The following TMEM120B variants were observed in gnomAD, a reference collection of about 807,000 sequenced individuals.
TMEM120B encodes the protein transmembrane protein 120B.
Under a neutral mutation model 55.5 loss-of-function variants are expected in TMEM120B, and 31 were observed. That is an observed-to-expected ratio of 0.56 (90% CI 0.42 to 0.75). The LOEUF is 0.75. Ranked by LOEUF, TMEM120B falls within the 30% of genes least tolerant of loss-of-function variation. TMEM120B has a pLI of 0.00. For synonymous variants in TMEM120B, 203 were observed against 176.3 expected (o/e 1.15, Z -1.20); for missense variants, 399 against 425.5 (o/e 0.94, Z 0.55).
At chr12:121,761,270 C>T (rs191807661) in intron 5 of TMEM120B, among the ~76,000 whole-genome samples, 9 of 152,306 alleles carry the variant, frequency 5.9e-5, no homozygotes, top group Non-Finnish European at 8.8e-5. Flanking sequence ...GGAGCCACCA[C>T]GCCTGGCCAA....
Position 121,776,463 on chromosome 12 carries a change from C to CCTTGGCCCCTGTGG in TMEM120B, c.*741_*742insCTTGGCCCCTGTGG. 1 of 152,458 alleles carries CCTTGGCCCCTGTGG rather than the reference C, an allele frequency of 6.6e-6. No homozygotes were observed. Among genetic ancestry groups the CCTTGGCCCCTGTGG allele is most frequent in the East Asian group, 1.9e-4 (1 of 5,180 alleles). The allele number at this position is 152,458 out of a possible 1,614,324, so 9.4% of individuals were successfully genotyped here. On this transcript the variant is annotated 3_prime_UTR_variant, in exon 12 of 12. Coordinates refer to ENST00000449592, the MANE Select transcript of TMEM120B (RefSeq NM_001080825.2). ...GTGGCAGGTACTTGGAGAGTGGGAC[C>CCTTGGCCCCTGTGG]AAGACCCTTGGCCCCTGTGGAGGGG...
rs1178585840 is a variant in TMEM120B, at chr12:121,776,348, C to G, written c.*626C>G. The G allele has an allele frequency of 6.3e-6, 1 of 158,122 alleles. No individual in the cohort carries two copies. Among genetic ancestry groups the G allele is most frequent in the African/African-American group, 2.4e-5 (1 of 41,638 alleles). The allele number at this position is 158,122 out of a possible 1,614,324, so 9.8% of individuals were successfully genotyped here. On this transcript the variant is annotated 3_prime_UTR_variant, in exon 12 of 12. Transcript: ENST00000449592. ...TTCGCCACCAGAGGGCGCCCCGGGC[C>G]CTGGGTCGTCCAAGGGGACAAGGAC... is the stretch of plus-strand genomic sequence containing the variant.
intron 1 of TMEM120B, among the ~76,000 whole-genome samples, chr12:121,727,346 G>A (rs1894914480): frequency 6.6e-6 from 1 of 151,370 alleles, no homozygotes; most frequent in Non-Finnish European, 1.5e-5. Flanking sequence ...GACCAGCCTG[G>A]GCAGCATAAT....
rs965711601 is a variant in TMEM120B, at chr12:121,726,042, A to AAC, written c.69+13079_69+13080insCA. Among the ~76,000 whole-genome samples, 9 of 150,048 alleles carry AAC rather than the reference A, an allele frequency of 6.0e-5. No homozygotes were observed. In the East Asian group the frequency reaches 9.8e-4, roughly 16 times the overall value. ...ACAAGCGAGACTCTGTCTCAAAAAAAAAAAAACAAAAAAAAAACCACCTCT... is the reference window on the plus strand; with the variant it reads ...ACAAGCGAGACTCTGTCTCAAAAAAAACAAAAAACAAAAAAAAAACCACCTCT... On this transcript the variant is annotated intron_variant, in intron 1 of 11. Transcript: ENST00000449592.
At chr12:121,773,035 G>A (rs1226219099) in intron 8 of TMEM120B, among the ~76,000 whole-genome samples, 9 of 152,116 alleles carry the variant, frequency 5.9e-5, no homozygotes, top group Non-Finnish European at 1.2e-4. Flanking sequence ...TAGCAACAAC[G>A]AAGTATCCCA....
chr12:121,748,283 C>T, intron 2 of TMEM120B, 43 bp from the exon 3 acceptor site: 1 of 1,523,984 alleles, frequency 6.6e-7, no homozygotes, highest in Non-Finnish European at 9.1e-7. Flanking sequence ...CCTCCTCCCT[C>T]TGAGTGACGC....
chr12:121,773,780 ATTAG>A (rs2137407265), intron 9 of TMEM120B, among the ~76,000 whole-genome samples: 1 of 152,290 alleles, frequency 6.6e-6, no homozygotes, highest in South Asian at 2.1e-4. Context: ...ACACACACAA[ATTAG>A]CCATTTGTGT....
chr12:121,765,274 T>C (rs961330388), intron 6 of TMEM120B, among the ~76,000 whole-genome samples: 2 of 151,764 alleles, frequency 1.3e-5, no homozygotes, highest in African/African-American at 4.8e-5. Context: ...GGATTAGAGG[T>C]GCACACCACC....
Position 121,773,522 on chromosome 12 carries a change from C to T in TMEM120B, c.772+9C>T. The T allele has an allele frequency of 3.2e-6, 5 of 1,579,262 alleles. No individual in the cohort carries two copies. Among genetic ancestry groups the T allele is most frequent in the Non-Finnish European group, 2.6e-6 (3 of 1,160,948 alleles). Reference sequence around the variant, plus strand: ...CCTGGATCTCACAGTGGGTGAGTAGCTGGGCCTGGGTTGGAGCCGGGGCAG... The same window carrying T: ...CCTGGATCTCACAGTGGGTGAGTAGTTGGGCCTGGGTTGGAGCCGGGGCAG... On this transcript the variant is annotated intron_variant, in intron 9 of 11. Coordinates refer to ENST00000449592, the MANE Select transcript of TMEM120B (RefSeq NM_001080825.2).
At chr12:121,756,445 A>G (rs1873477565) in intron 5 of TMEM120B, among the ~76,000 whole-genome samples, 1 of 152,208 alleles carries the variant, frequency 6.6e-6, no homozygotes, top group South Asian at 2.1e-4. Flanking sequence ...CTGTCTCTAG[A>G]TGGAGTCTTG....
intron 6 of TMEM120B, 103 bp from the exon 7 acceptor site, chr12:121,770,804 C>CT (rs1874017390): frequency 1.9e-6 from 2 of 1,062,856 alleles, no homozygotes; most frequent in Non-Finnish European, 1.4e-6. Flanking sequence ...GAAGCCGTCT[C>CT]TGAGTGCAGA....
At position 121,748,659 on chromosome 12, in the gene TMEM120B, G is replaced by A. The variant is rs548625752; in HGVS notation, c.305+217G>A. Among the ~76,000 whole-genome samples the A allele has an allele frequency of 8.5e-5, 13 of 152,172 alleles. No homozygotes were observed. The East Asian group carries it at 1.2e-3, about 14-fold the overall frequency. On this transcript the variant is annotated intron_variant, in intron 3 of 11. Transcript: ENST00000449592. ...TGACAGCAGCATTCCTGGGAGGTCC[G>A]TTGCAAGGAACCAGCACTCACTGCA...
rs897759057 is a variant in TMEM120B, at chr12:121,714,557, CTTTTTTTTTTT to C, written c.69+1606_69+1616del. On this transcript the variant is annotated intron_variant, in intron 1 of 11. Transcript: ENST00000449592. ...CACTGTGCCTGGCCCTCAGCCACTT[CTTTTTTTTTTT>C]TTTTTTTTTTTTGAGATAGAGTCTT... Among the ~76,000 whole-genome samples, 5 of 100,238 alleles carry C rather than the reference CTTTTTTTTTTT, an allele frequency of 5.0e-5. No homozygotes were observed. The South Asian group carries it at 1.4e-3, about 28-fold the overall frequency. The allele number at this position is 100,238 out of a possible 152,430, so 65.8% of individuals were successfully genotyped here. A position where few individuals can be genotyped will look rare whatever the true frequency, so the allele number is the denominator to read the frequency against.
intron 1 of TMEM120B, among the ~76,000 whole-genome samples, chr12:121,722,318 C>A (rs960972508): frequency 6.6e-6 from 1 of 152,028 alleles, no homozygotes; most frequent in Non-Finnish European, 1.5e-5. Flanking sequence ...AGGCTAGTGT[C>A]GAACTCCTGA....
Position 121,781,207 on chromosome 12 carries a change from C to T in TMEM120B, c.*5485C>T, listed in dbSNP as rs1566531555. On this transcript the variant is annotated 3_prime_UTR_variant, in exon 12 of 12. Coordinates refer to ENST00000449592, the MANE Select transcript of TMEM120B (RefSeq NM_001080825.2). ...GTCTTCTTGCCCTGAAAGCACAGAGCAGCGGGGGTCAGGGGACGTCCCCTC... is the reference window on the plus strand; with the variant it reads ...GTCTTCTTGCCCTGAAAGCACAGAGTAGCGGGGGTCAGGGGACGTCCCCTC... 6.2e-7 allele frequency: 1 copy of T among 1,611,346 alleles called. No individual in the cohort carries two copies. The highest frequency in any genetic ancestry group is 8.5e-7 in the Non-Finnish European group (1 of 1,177,556).
At chr12:121,752,106 CT>C (rs1316689883) in intron 4 of TMEM120B, 21 bp from the exon 5 acceptor site, 2 of 1,608,328 alleles carry the variant, frequency 1.2e-6, no homozygotes, top group South Asian at 2.2e-5. Flanking sequence ...GGGCACACCC[CT>C]GGGCGTGTCT....
chr12:121,716,778 G>A (rs144024952), intron 1 of TMEM120B, among the ~76,000 whole-genome samples: 1 of 152,060 alleles, frequency 6.6e-6, no homozygotes, highest in Admixed American at 6.6e-5. Flanking sequence ...GGCCAGTCTG[G>A]TCTAGAACTC....
At chr12:121,770,763 G>A (rs747838270) in intron 6 of TMEM120B, 144 bp from the exon 7 acceptor site, 17 of 729,184 alleles carry the variant, frequency 2.3e-5, no homozygotes, top group Admixed American at 1.2e-4. Context: ...AGGAGGGCAC[G>A]GTCAGGGTTC....
chr12:121,739,798 CTTTTTTTTTTTTTT>C (rs200085137), intron 1 of TMEM120B, among the ~76,000 whole-genome samples: 2 of 99,214 alleles, frequency 2.0e-5, no homozygotes, highest in African/African-American at 8.6e-5. Flanking sequence ...TGCAACACTT[CTTTTTTTTTTTTTT>C]TTTTTTTTTG....
Sources: gnomAD v4.1 joint callset for allele counts (sites outside exome capture counted in the v4.1 genomes callset) on GRCh38, gnomAD v4.1.1 for gene constraint, MANE v1.5 for transcripts, NCBI Gene and HGNC (gene_info 2026-07-23, HGNC 2026-07-21) for gene names.